Variants in MORC3 observed in about 807,000 individuals in gnomAD.
MORC3 encodes the protein MORC family CW-type zinc finger 3, also known as MORC family CW-type zinc finger protein 3.
In MORC3, 31 loss-of-function variants were observed where a neutral mutation model predicts 109.1. That is an observed-to-expected ratio of 0.28 (90% CI 0.21 to 0.38). The LOEUF (loss-of-function observed/expected upper bound fraction) is 0.38. MORC3 is among the 10% of genes least tolerant of loss of function. The pLI, the probability that MORC3 is intolerant of heterozygous loss-of-function variation, is 1.00. For missense variants in MORC3, 867 were observed against 1,135.8 expected (o/e 0.76, Z 3.40); for synonymous variants, 395 against 380.7 (o/e 1.04, Z -0.44).
chr21:36,325,075 A>T lies in MORC3; in HGVS notation c.39+4772A>T, dbSNP rs8132357. Among the ~76,000 whole-genome samples the T allele has an allele frequency of 1.9e-3, 284 of 152,318 alleles. 1 individual carries two copies. The highest frequency in any genetic ancestry group is 6.2e-3 in the African/African-American group (258 of 41,586). On this transcript the variant is annotated intron_variant, in intron 1 of 16. Coordinates refer to ENST00000400485, the MANE Select transcript of MORC3 (RefSeq NM_015358.3). ...AAAATTTTCATACATGAATAGAGCT[A>T]GTCCTTTGGTGGGCTTCACTGTTGG...
intron 2 of MORC3, among the ~76,000 whole-genome samples, chr21:36,334,019 C>T (rs1034533142): frequency 8.6e-5 from 13 of 151,858 alleles, no homozygotes; most frequent in African/African-American, 2.9e-4. Context: ...GATCTCCTGA[C>T]CTCGTGATCC....
At chr21:36,348,597 T>C (rs2085538423) in intron 8 of MORC3, among the ~76,000 whole-genome samples, 1 of 152,124 alleles carries the variant, frequency 6.6e-6, no homozygotes, top group Non-Finnish European at 1.5e-5. Flanking sequence ...TTAGTAGAGA[T>C]GGGATTTCAC....
chr21:36,355,587 C>T (rs987655253), intron 9 of MORC3, among the ~76,000 whole-genome samples: 4 of 152,076 alleles, frequency 2.6e-5, no homozygotes, highest in African/African-American at 4.8e-5. Context: ...TTATGCTCCT[C>T]TTTTTTGCTA....
At chr21:36,329,443 T>C (rs2085288298) in intron 1 of MORC3, among the ~76,000 whole-genome samples, 1 of 152,198 alleles carries the variant, frequency 6.6e-6, no homozygotes, top group Admixed American at 6.5e-5. Flanking sequence ...GTGAGCATTA[T>C]AGCACATTAT....
At chr21:36,345,889 T>C (rs2085502248) in intron 8 of MORC3, among the ~76,000 whole-genome samples, 1 of 152,172 alleles carries the variant, frequency 6.6e-6, no homozygotes, top group African/African-American at 2.4e-5. Flanking sequence ...TCTACCTGGC[T>C]GGAGTGCAGT....
At chr21:36,374,802 G>A (rs2085911215) in intron 16 of MORC3, among the ~76,000 whole-genome samples, 1 of 152,064 alleles carries the variant, frequency 6.6e-6, no homozygotes, top group East Asian at 1.9e-4. Context: ...CTCTTGAGAA[G>A]CTGAGACTAC....
chr21:36,342,080 T>C (rs773567857), intron 6 of MORC3, among the ~76,000 whole-genome samples: 23 of 151,944 alleles, frequency 1.5e-4, no homozygotes, highest in Non-Finnish European at 2.6e-4. Context: ...ATGCAAAAAT[T>C]AGTTGGGCAC....
At chr21:36,349,477 T>C in intron 9 of MORC3, 69 bp downstream of exon 9, 1 of 1,016,886 alleles carries the variant, frequency 9.8e-7, no homozygotes, top group Non-Finnish European at 1.4e-6. Context: ...CAGGAACTAC[T>C]CTATTTTCTG....
chr21:36,344,154 G>T (rs1428154573), intron 6 of MORC3, among the ~76,000 whole-genome samples: 1 of 151,872 alleles, frequency 6.6e-6, no homozygotes, highest in Non-Finnish European at 1.5e-5. Context: ...AGGTGGGGGG[G>T]TCTCCCTCTG....
At chr21:36,374,920 C>T (rs545374118) in intron 16 of MORC3, among the ~76,000 whole-genome samples, 4 of 152,290 alleles carry the variant, frequency 2.6e-5, no homozygotes, top group Admixed American at 2.0e-4. Context: ...GATCTCCCTC[C>T]TCGGCTTCAC....
rs371108507 is a variant in MORC3, at chr21:36,341,373, G to T, written c.609-26G>T. On this transcript the variant is annotated intron_variant, in intron 5 of 16. Coordinates refer to ENST00000400485, the MANE Select transcript of MORC3 (RefSeq NM_015358.3). ...TATCTTGCTGTGAAGTTAAATTTTG[G>T]TTCTTTCTAAAAATTATTTTTACAG... is the stretch of plus-strand genomic sequence containing the variant. The T allele has an allele frequency of 9.2e-5, 146 of 1,589,646 alleles. No individual in the cohort carries two copies. In the African/African-American group the frequency reaches 1.8e-3, roughly 19 times the overall value.
chr21:36,335,440 C>T (rs1349568192), intron 2 of MORC3, among the ~76,000 whole-genome samples: 1 of 151,272 alleles, frequency 6.6e-6, no homozygotes, highest in African/African-American at 2.4e-5. Context: ...CTCAGCCTCC[C>T]GAGTAGCTGG....
chr21:36,329,347 A>C (rs1391327137), intron 1 of MORC3, among the ~76,000 whole-genome samples: 2 of 152,082 alleles, frequency 1.3e-5, no homozygotes, highest in African/African-American at 4.8e-5. Context: ...GCTGCATTCA[A>C]AGCTGTCCTG....
chr21:36,327,066 C>T (rs2085255413), intron 1 of MORC3, among the ~76,000 whole-genome samples: 1 of 151,746 alleles, frequency 6.6e-6, no homozygotes, highest in African/African-American at 2.4e-5. Flanking sequence ...CCGCCCACCT[C>T]AGCCTCCCAA....
At position 36,364,241 on chromosome 21, in the gene MORC3, C is replaced by A; in HGVS notation, c.1601C>A (p.Ser534Tyr). The A allele has an allele frequency of 6.2e-7, 1 of 1,614,080 alleles. No homozygotes were observed. The highest frequency in any genetic ancestry group is 1.1e-5 in the South Asian group (1 of 91,068). Residue 534 changes from serine to tyrosine, a missense_variant, in exon 14 of 17, where the codon TCT (serine) becomes TAT (tyrosine). Coordinates refer to ENST00000400485, the MANE Select transcript of MORC3 (RefSeq NM_015358.3). Reference sequence around the variant, plus strand: ...AATAATCATCAAGTTCCACCTCAGTCTGAACCTGAGAGCAACAGGTCAGTG... The same window carrying A: ...AATAATCATCAAGTTCCACCTCAGTATGAACCTGAGAGCAACAGGTCAGTG... The part of the protein sequence containing the change: ...LLNNHQVPPQ[S>Y]EPESNSLKRR...
chr21:36,362,889 G>A (rs2146332209), intron 13 of MORC3, among the ~76,000 whole-genome samples: 1 of 152,090 alleles, frequency 6.6e-6, no homozygotes, highest in Admixed American at 6.6e-5. Context: ...CTGAGGAAAG[G>A]CAAACAAACT....
At chr21:36,344,745 C>T (rs1296835356) in intron 7 of MORC3, 38 bp downstream of exon 7, 1 of 1,606,968 alleles carries the variant, frequency 6.2e-7, no homozygotes, top group Non-Finnish European at 8.5e-7. Flanking sequence ...ATATGTTAGT[C>T]AGGTGTATTC....
intron 6 of MORC3, 106 bp from the exon 7 acceptor site, chr21:36,344,473 T>G: frequency 1.6e-6 from 2 of 1,278,052 alleles, no homozygotes; most frequent in Non-Finnish European, 2.1e-6. Context: ...ATTGAAGAGT[T>G]AATTGATCTT....
chr21:36,341,682 C>T (rs975988335), intron 6 of MORC3, 136 bp downstream of exon 6: 4 of 1,234,418 alleles, frequency 3.2e-6, no homozygotes, highest in East Asian at 2.4e-5. Flanking sequence ...ATGATTTTCC[C>T]TGGCCCACTC....
Sources: allele counts gnomAD v4.1 joint callset (sites outside exome capture counted in the v4.1 genomes callset), GRCh38; gene constraint gnomAD v4.1.1; transcripts MANE v1.5; gene names NCBI Gene and HGNC (gene_info 2026-07-23, HGNC 2026-07-21).